PRELID2: variants seen among roughly 807,000 people sequenced by gnomAD.
PRELID2 encodes PRELI domain containing 2, also known as PRELI domain-containing protein 2.
A neutral mutation model predicts 28.4 loss-of-function variants in PRELID2; 25 were observed. That is an observed-to-expected ratio of 0.88 (90% confidence interval 0.64 to 1.23). The LOEUF is 1.23. Ranked by LOEUF, PRELID2 falls within the 50% of genes most tolerant of loss-of-function variation. The probability of loss-of-function intolerance (pLI) is 0.00; values close to 1 mark genes in which losing one functional copy is unlikely to be tolerated. For missense variants in PRELID2, 201 were observed against 214.4 expected (o/e 0.94, Z 0.39); for synonymous variants, 76 against 71.6 (o/e 1.06, Z -0.31).
the PRELID2 span, among the ~76,000 whole-genome samples, chr5:145,325,093 A>C: frequency 7.2e-6 from 1 of 138,220 alleles, no homozygotes; most frequent in Non-Finnish European, 1.5e-5. Flanking sequence ...AAAGTTTCTT[A>C]TAAGCAATAA....
chr5:145,414,689 T>A, the PRELID2 span, among the ~76,000 whole-genome samples: 1 of 152,198 alleles, frequency 6.6e-6, no homozygotes, highest in African/African-American at 2.4e-5. Flanking sequence ...GAATTGTGAA[T>A]CAGAGTAGTG....
At chr5:145,367,061 G>T in the PRELID2 span, among the ~76,000 whole-genome samples, 10 of 151,716 alleles carry the variant, frequency 6.6e-5, no homozygotes, top group Non-Finnish European at 1.0e-4. Context: ...AGGATAATTA[G>T]CTTCTTCTTA....
the PRELID2 span, chr5:145,338,205 C>T: frequency 6.6e-6 from 1 of 152,164 alleles, no homozygotes; most frequent in Non-Finnish European, 1.5e-5. Flanking sequence ...TAGCTTACCC[C>T]ATTAGACACC....
chr5:145,676,887 G>C (rs1309942207), intron 1 of PRELID2, among the ~76,000 whole-genome samples: 2 of 152,080 alleles, frequency 1.3e-5, no homozygotes, highest in Non-Finnish European at 2.9e-5. Flanking sequence ...AAAGTGACCA[G>C]ATTTTTCAAC....
the PRELID2 span, among the ~76,000 whole-genome samples, chr5:145,333,784 T>C: frequency 6.7e-6 from 1 of 148,442 alleles, no homozygotes; most frequent in Non-Finnish European, 1.5e-5. Context: ...TGATCAGTTA[T>C]GTCTCACTGG....
intron 1 of PRELID2, among the ~76,000 whole-genome samples, chr5:145,740,294 A>ATATATATATATT (rs1756627754): frequency 1.2e-4 from 11 of 95,106 alleles, no homozygotes; most frequent in African/African-American, 4.8e-4. Flanking sequence ...ATATATATAT[A>ATATATATATATT]TATATATATA....
At chr5:145,563,030 A>G (rs999655595) in intron 1 of PRELID2, among the ~76,000 whole-genome samples, 1 of 152,146 alleles carries the variant, frequency 6.6e-6, no homozygotes, top group Non-Finnish European at 1.5e-5. Context: ...TTCCCTTTTC[A>G]TGTGGGAAAT....
intron 1 of PRELID2, among the ~76,000 whole-genome samples, chr5:145,526,050 A>C (rs867749275): frequency 3.8e-4 from 58 of 152,348 alleles, no homozygotes; most frequent in African/African-American, 1.3e-3. Context: ...TGGTGCAGCT[A>C]GTGCTATGCC....
chr5:145,589,725 G>T (rs1056530321), intron 1 of PRELID2, among the ~76,000 whole-genome samples: 1 of 151,810 alleles, frequency 6.6e-6, no homozygotes, highest in Non-Finnish European at 1.5e-5. Context: ...GTTTTCTTTT[G>T]TGATTTCTTA....
At chr5:145,655,143 T>G (rs1403352816) in intron 1 of PRELID2, among the ~76,000 whole-genome samples, 1 of 149,488 alleles carries the variant, frequency 6.7e-6, no homozygotes, top group Non-Finnish European at 1.5e-5. Context: ...TGAACTCCCA[T>G]TCACAATTGC....
chr5:145,724,701 T>C (rs1756093196), intron 1 of PRELID2, among the ~76,000 whole-genome samples: 1 of 136,392 alleles, frequency 7.3e-6, no homozygotes, highest in African/African-American at 2.6e-5. Context: ...AATGAATGTA[T>C]GTGTATACAT....
At chr5:145,805,037 T>G (rs1457328089) in intron 4 of PRELID2, among the ~76,000 whole-genome samples, 1 of 152,214 alleles carries the variant, frequency 6.6e-6, no homozygotes, top group East Asian at 1.9e-4. Context: ...TCTCAATGCC[T>G]GGTTAATAAA....
intron 1 of PRELID2, among the ~76,000 whole-genome samples, chr5:145,717,440 A>T (rs907703976): frequency 1.3e-5 from 2 of 152,118 alleles, no homozygotes; most frequent in African/African-American, 4.8e-5. Context: ...GTTTCAATAA[A>T]TAATATGTTT....
the PRELID2 span, among the ~76,000 whole-genome samples, chr5:145,460,970 CAA>C: frequency 2.0e-5 from 3 of 152,134 alleles, no homozygotes; most frequent in Admixed American, 6.5e-5. Flanking sequence ...AAATGGAAAA[CAA>C]GAGATTGAGT....
chr5:145,682,550 G>A (rs1381273000), intron 1 of PRELID2, among the ~76,000 whole-genome samples: 1 of 152,202 alleles, frequency 6.6e-6, no homozygotes, highest in Non-Finnish European at 1.5e-5. Context: ...AGGAAAAGCA[G>A]AGAAAAGCCA....
At chr5:145,452,288 T>A in the PRELID2 span, among the ~76,000 whole-genome samples, 1 of 152,178 alleles carries the variant, frequency 6.6e-6, no homozygotes, top group Non-Finnish European at 1.5e-5. Flanking sequence ...ATAAGGTTTT[T>A]TATGATCTGT....
intron 1 of PRELID2, among the ~76,000 whole-genome samples, chr5:145,827,621 C>A (rs770277731): frequency 2.0e-5 from 3 of 152,128 alleles, no homozygotes; most frequent in Non-Finnish European, 4.4e-5. Flanking sequence ...TAATCAGCAA[C>A]GGCATAGTGA....
chr5:145,459,840 T>G, the PRELID2 span, among the ~76,000 whole-genome samples: 1 of 151,682 alleles, frequency 6.6e-6, no homozygotes, highest in Non-Finnish European at 1.5e-5. Context: ...GACAGAGTCT[T>G]TCTCTGTCGC....
At chr5:145,827,029 T>C (rs1298902716) in intron 1 of PRELID2, among the ~76,000 whole-genome samples, 1 of 152,222 alleles carries the variant, frequency 6.6e-6, no homozygotes, top group Admixed American at 6.5e-5. Flanking sequence ...CAAATGAGGT[T>C]ACCAGAGAGA....
Sources: gnomAD v4.1 joint callset for allele counts (sites outside exome capture counted in the v4.1 genomes callset) on GRCh38, gnomAD v4.1.1 for gene constraint, MANE v1.5 for transcripts, NCBI Gene and HGNC (gene_info 2026-07-23, HGNC 2026-07-21) for gene names.